Variants in SPAG16 observed in about 807,000 individuals in gnomAD.
SPAG16 encodes the protein sperm associated antigen 16.
In SPAG16, 86 loss-of-function variants were observed where a neutral mutation model predicts 80.4. The observed-to-expected ratio is 1.07, with a 90% CI of 0.90 to 1.28. The LOEUF (loss-of-function observed/expected upper bound fraction) is 1.28, where lower values mean the gene tolerates loss of function less well. Among genes scored for constraint, SPAG16 ranks in the 50% most tolerant of loss-of-function variants. The pLI, the probability that SPAG16 is intolerant of heterozygous loss-of-function variation, is 0.00. For missense variants in SPAG16, 870 were observed against 765.3 expected (o/e 1.14, Z -1.61); for synonymous variants, 294 against 265.9 (o/e 1.11, Z -1.03).
rs1295972349 is a variant in SPAG16, at chr2:213,701,057, TG to T, written c.1071-161426del. Among the ~76,000 whole-genome samples the T allele has an allele frequency of 1.7e-4, 26 of 152,138 alleles. No homozygotes were observed. The East Asian group carries it at 4.9e-3, about 28-fold the overall frequency. On this transcript the variant is annotated intron_variant, in intron 10 of 15. Transcript: ENST00000331683. Reference sequence around the variant, plus strand: ...GAGTTCCAGACCAGCCTGGCCAACATGGTGAAACCCCATCTCTACTAAAAAT... The same window carrying T: ...GAGTTCCAGACCAGCCTGGCCAACATGTGAAACCCCATCTCTACTAAAAAT...
intron 9 of SPAG16, chr2:213,396,749 C>T: frequency 4.6e-6 from 2 of 434,926 alleles, no homozygotes; most frequent in Non-Finnish European, 4.7e-6. Context: ...TTCTGAGCAA[C>T]AGGTGTTCCT....
At chr2:213,342,173 T>C (rs1426296895) in intron 6 of SPAG16, among the ~76,000 whole-genome samples, 1 of 151,728 alleles carries the variant, frequency 6.6e-6, no homozygotes, top group Non-Finnish European at 1.5e-5. Flanking sequence ...GATTACAGTA[T>C]ATATAGTTTT....
At chr2:213,586,709 T>A (rs1372804357) in intron 10 of SPAG16, among the ~76,000 whole-genome samples, 1 of 152,156 alleles carries the variant, frequency 6.6e-6, no homozygotes, top group African/African-American at 2.4e-5. Flanking sequence ...CTGAGGCAAA[T>A]TTCTCTCCAC....
At chr2:213,313,636 A>C (rs912302172) in intron 4 of SPAG16, among the ~76,000 whole-genome samples, 4 of 151,860 alleles carry the variant, frequency 2.6e-5, no homozygotes, top group African/African-American at 9.7e-5. Context: ...CTTTGAAAAA[A>C]TTAATAAAGG....
intron 10 of SPAG16, among the ~76,000 whole-genome samples, chr2:213,551,685 G>A (rs957647227): frequency 3.9e-5 from 6 of 152,138 alleles, no homozygotes; most frequent in African/African-American, 7.2e-5. Flanking sequence ...GAGTTCCTTA[G>A]AAGGCATCTG....
chr2:214,381,446 C>T (rs1015084451), intron 15 of SPAG16, among the ~76,000 whole-genome samples: 1 of 152,156 alleles, frequency 6.6e-6, no homozygotes, highest in Non-Finnish European at 1.5e-5. Flanking sequence ...TTTCAGCCAA[C>T]ATTTTTCATT....
At chr2:213,374,059 C>G (rs1208470455) in intron 8 of SPAG16, among the ~76,000 whole-genome samples, 3 of 152,018 alleles carry the variant, frequency 2.0e-5, no homozygotes, top group African/African-American at 7.3e-5. Flanking sequence ...GTTTGGACAC[C>G]CAGGTCTCTC....
At chr2:214,177,916 C>CATATATATATAT (rs10622953) in intron 15 of SPAG16, among the ~76,000 whole-genome samples, 2,064 of 92,136 alleles carry the variant, frequency 0.022, 90 homozygotes, top group Middle Eastern at 0.042. Flanking sequence ...TATATATATA[C>CATATATATATAT]ATATATATAT....
chr2:214,269,316 G>A (rs1370043912), intron 15 of SPAG16, among the ~76,000 whole-genome samples: 1 of 151,832 alleles, frequency 6.6e-6, no homozygotes, highest in Non-Finnish European at 1.5e-5. Flanking sequence ...AAAACATCTA[G>A]CCTAATGTGA....
chr2:213,887,719 T>C (rs933722852), intron 11 of SPAG16, among the ~76,000 whole-genome samples: 3 of 151,442 alleles, frequency 2.0e-5, no homozygotes, highest in Non-Finnish European at 4.4e-5. Flanking sequence ...ATTATATATA[T>C]ATGTTTTCTA....
chr2:214,121,839 T>C (rs2054235830), intron 14 of SPAG16, among the ~76,000 whole-genome samples: 1 of 151,870 alleles, frequency 6.6e-6, no homozygotes, highest in Non-Finnish European at 1.5e-5. Flanking sequence ...ATGTATAAGG[T>C]ATATATGAAA....
intron 11 of SPAG16, among the ~76,000 whole-genome samples, chr2:213,890,299 C>T (rs184444919): frequency 2.0e-5 from 3 of 152,152 alleles, no homozygotes; most frequent in Non-Finnish European, 4.4e-5. Context: ...TGTGTTAAAT[C>T]TGAAAACATA....
At chr2:213,346,758 G>C (rs2065016118) in intron 6 of SPAG16, among the ~76,000 whole-genome samples, 1 of 152,132 alleles carries the variant, frequency 6.6e-6, no homozygotes, top group African/African-American at 2.4e-5. Flanking sequence ...TAAGCTTTTT[G>C]ATGTGCTGCT....
intron 15 of SPAG16, among the ~76,000 whole-genome samples, chr2:214,151,236 T>G (rs1559086916): frequency 6.6e-6 from 1 of 152,038 alleles, no homozygotes; most frequent in Non-Finnish European, 1.5e-5. Flanking sequence ...TTTAAAAGGT[T>G]GAATTATATC....
At chr2:213,787,378 T>G (rs1031708106) in intron 10 of SPAG16, among the ~76,000 whole-genome samples, 5 of 152,160 alleles carry the variant, frequency 3.3e-5, no homozygotes, top group Non-Finnish European at 7.4e-5. Context: ...AGCTACTATT[T>G]ACTGAATTTT....
chr2:214,054,477 A>G (rs1206590573), intron 13 of SPAG16, among the ~76,000 whole-genome samples: 1 of 152,230 alleles, frequency 6.6e-6, no homozygotes, highest in Non-Finnish European at 1.5e-5. Flanking sequence ...AGTATAAAAG[A>G]GAATATGTGA....
intron 9 of SPAG16, among the ~76,000 whole-genome samples, chr2:213,393,471 A>G (rs2067874646): frequency 6.6e-6 from 1 of 151,926 alleles, no homozygotes; most frequent in African/African-American, 2.4e-5. Context: ...TTTGTTTCTA[A>G]GAGTCTTTAG....
intron 15 of SPAG16, among the ~76,000 whole-genome samples, chr2:214,159,699 A>G (rs2056360301): frequency 6.6e-6 from 1 of 151,988 alleles, no homozygotes; most frequent in Admixed American, 6.6e-5. Context: ...AAGTGTAAAT[A>G]AAAATTGTTT....
At chr2:213,671,812 G>A (rs1295574490) in intron 10 of SPAG16, among the ~76,000 whole-genome samples, 1 of 152,164 alleles carries the variant, frequency 6.6e-6, no homozygotes, top group Admixed American at 6.5e-5. Context: ...GTGAGCTGAA[G>A]AAGACAGTTT....
Sources: allele counts gnomAD v4.1 joint callset (sites outside exome capture counted in the v4.1 genomes callset), GRCh38; gene constraint gnomAD v4.1.1; transcripts MANE v1.5; gene names NCBI Gene and HGNC (gene_info 2026-07-23, HGNC 2026-07-21).